The following PARD3 variants were observed in gnomAD, a reference collection of about 807,000 sequenced individuals.
The protein encoded by PARD3 is partitioning defective 3 homolog.
In PARD3, 75 loss-of-function variants were observed where a neutral mutation model predicts 155.4. The ratio of observed to expected loss-of-function variants is 0.48; its 90% confidence interval spans 0.40 to 0.58. PARD3 has a LOEUF of 0.58. PARD3 is among the 20% of genes least tolerant of loss of function. The probability of loss-of-function intolerance (pLI) is 0.00; values close to 1 mark genes in which losing one functional copy is unlikely to be tolerated. For synonymous variants in PARD3, 576 were observed against 610.5 expected (o/e 0.94, Z 0.83); for missense variants, 1,642 against 1,721.7 (o/e 0.95, Z 0.82).
intron 1 of PARD3, among the ~76,000 whole-genome samples, chr10:34,783,725 G>C (rs1840571894): frequency 1.4e-5 from 2 of 146,352 alleles, no homozygotes; most frequent in Admixed American, 6.8e-5. Context: ...ACTTTAGAAA[G>C]AAAAAAAGGG....
At chr10:34,179,632 T>C (rs763391615) in intron 22 of PARD3, among the ~76,000 whole-genome samples, 3 of 152,204 alleles carry the variant, frequency 2.0e-5, no homozygotes, top group Non-Finnish European at 4.4e-5. Context: ...GCACAACTCA[T>C]ACCAAATACC....
intron 2 of PARD3, among the ~76,000 whole-genome samples, chr10:34,618,342 T>A (rs2091404231): frequency 6.6e-6 from 1 of 152,196 alleles, no homozygotes. Context: ...TTCAAAATAG[T>A]GACTCCCGCA....
intron 5 of PARD3, among the ~76,000 whole-genome samples, chr10:34,431,766 A>T (rs1232310730): frequency 9.5e-6 from 1 of 105,284 alleles, no homozygotes; most frequent in African/African-American, 3.4e-5. Context: ...AAAAAAAAAA[A>T]ATGCCGGGTA....
At chr10:34,595,735 T>C (rs1316560987) in intron 2 of PARD3, among the ~76,000 whole-genome samples, 2 of 152,156 alleles carry the variant, frequency 1.3e-5, no homozygotes, top group Non-Finnish European at 1.5e-5. Context: ...TTATTTCAAA[T>C]ATAAGGAATT....
intron 2 of PARD3, among the ~76,000 whole-genome samples, chr10:34,533,333 A>G (rs2082988701): frequency 6.6e-6 from 1 of 152,196 alleles, no homozygotes; most frequent in East Asian, 1.9e-4. Flanking sequence ...TACTATGCTC[A>G]CTACCTGGAT....
At chr10:34,123,361 A>G (rs1358970328) in intron 23 of PARD3, among the ~76,000 whole-genome samples, 1 of 152,262 alleles carries the variant, frequency 6.6e-6, no homozygotes, top group Non-Finnish European at 1.5e-5. Context: ...TAATAATTCA[A>G]GCTTGAGGAA....
chr10:34,706,798 G>A (rs1013341581), intron 1 of PARD3, among the ~76,000 whole-genome samples: 5 of 151,686 alleles, frequency 3.3e-5, no homozygotes, highest in Admixed American at 6.6e-5. Flanking sequence ...ATAAAAAGAC[G>A]AGATCCATAA....
At chr10:34,635,080 G>C (rs1407740102) in intron 2 of PARD3, among the ~76,000 whole-genome samples, 1 of 152,204 alleles carries the variant, frequency 6.6e-6, no homozygotes. Flanking sequence ...CTCAAAACCG[G>C]AGATTCACTT....
chr10:34,522,568 A>G (rs1428766243), intron 2 of PARD3, among the ~76,000 whole-genome samples: 1 of 152,222 alleles, frequency 6.6e-6, no homozygotes, highest in African/African-American at 2.4e-5. Flanking sequence ...CTACTTTTGT[A>G]AATATGAGAA....
intron 3 of PARD3, among the ~76,000 whole-genome samples, chr10:34,515,113 C>T (rs2081630624): frequency 6.6e-6 from 1 of 152,120 alleles, no homozygotes; most frequent in African/African-American, 2.4e-5. Context: ...CAGGATCATT[C>T]CAAGCAGATA....
chr10:34,570,909 T>C (rs1176501663), intron 2 of PARD3, among the ~76,000 whole-genome samples: 2 of 152,204 alleles, frequency 1.3e-5, no homozygotes, highest in Non-Finnish European at 2.9e-5. Flanking sequence ...CTAGACCACA[T>C]TCTTGTAAGT....
intron 22 of PARD3, among the ~76,000 whole-genome samples, chr10:34,171,455 T>C (rs1949787874): frequency 6.6e-6 from 1 of 152,180 alleles, no homozygotes; most frequent in African/African-American, 2.4e-5. Context: ...CAAAGTGATA[T>C]TAATTTAACT....
rs141095177 is a variant in PARD3 at position 34,547,406 on chromosome 10, G to GA, written c.223-30248dup. Among the ~76,000 whole-genome samples the GA allele has an allele frequency of 1.4e-3, 208 of 152,238 alleles. 1 individual carries two copies. Among genetic ancestry groups the GA allele is most frequent in the Middle Eastern group, 6.8e-3 (2 of 294 alleles). ...TATGCCACATCATTTTTCCCTTTGG[G>GA]AAGGCTATAAATGTTACATATACCA... On this transcript the variant is annotated intron_variant, in intron 2 of 24. Transcript: ENST00000374788.
intron 22 of PARD3, among the ~76,000 whole-genome samples, chr10:34,228,471 T>C (rs1002355515): frequency 2.0e-5 from 3 of 152,088 alleles, no homozygotes; most frequent in South Asian, 2.1e-4. Flanking sequence ...TCCATTTATA[T>C]GAAATGTCTA....
intron 2 of PARD3, among the ~76,000 whole-genome samples, chr10:34,525,671 A>G (rs2082423339): frequency 6.6e-6 from 1 of 152,214 alleles, no homozygotes; most frequent in Non-Finnish European, 1.5e-5. Context: ...GAATCCCTCA[A>G]TAGTAACTCT....
chr10:34,447,984 A>C (rs2076843261), intron 5 of PARD3, among the ~76,000 whole-genome samples: 1 of 152,222 alleles, frequency 6.6e-6, no homozygotes, highest in Non-Finnish European at 1.5e-5. Flanking sequence ...CTGCTTCTGC[A>C]TATATATCCA....
intron 1 of PARD3, among the ~76,000 whole-genome samples, chr10:34,725,491 G>A (rs530066766): frequency 2.0e-5 from 3 of 152,040 alleles, no homozygotes; most frequent in East Asian, 1.9e-4. Context: ...ATAGCTCAAG[G>A]CATTCAGTCA....
intron 1 of PARD3, among the ~76,000 whole-genome samples, chr10:34,806,380 G>C (rs527492942): frequency 6.6e-6 from 1 of 152,030 alleles, no homozygotes; most frequent in Admixed American, 6.6e-5. Context: ...ACTTTAAGTA[G>C]AGATGGGGTT....
chr10:34,323,193 A>T (rs1406199133), intron 19 of PARD3, among the ~76,000 whole-genome samples: 1 of 152,192 alleles, frequency 6.6e-6, no homozygotes, highest in Non-Finnish European at 1.5e-5. Flanking sequence ...ACTTTGGAAG[A>T]GAAAGAAAGA....
Sources: allele counts gnomAD v4.1 joint callset (sites outside exome capture counted in the v4.1 genomes callset), GRCh38; gene constraint gnomAD v4.1.1; transcripts MANE v1.5; gene names NCBI Gene and HGNC (gene_info 2026-07-23, HGNC 2026-07-21).